Variants in NUBPL observed in about 807,000 individuals in gnomAD.
The protein encoded by NUBPL is iron-sulfur cluster transfer protein NUBPL.
In NUBPL, 31 loss-of-function variants were observed where a neutral mutation model predicts 45.7. The ratio of observed to expected loss-of-function variants is 0.68; its 90% CI spans 0.51 to 0.92. The LOEUF (loss-of-function observed/expected upper bound fraction) is 0.92. Ranked by LOEUF, NUBPL falls within the 40% of genes least tolerant of loss-of-function variation. The pLI, the probability that NUBPL is intolerant of heterozygous loss-of-function variation, is 0.00. For missense variants in NUBPL, 401 were observed against 398.7 expected, an observed-to-expected ratio of 1.01 and a Z score of -0.05; for synonymous variants, 144 against 140.9, an observed-to-expected ratio of 1.02 and a Z score of -0.15.
At chr14:31,692,855 T>C (rs1294609449) in intron 6 of NUBPL, among the ~76,000 whole-genome samples, 1 of 152,224 alleles carries the variant, frequency 6.6e-6, no homozygotes, top group Non-Finnish European at 1.5e-5. Flanking sequence ...AGGAGTTTGA[T>C]ACATAGTTTC....
intron 6 of NUBPL, among the ~76,000 whole-genome samples, chr14:31,689,405 A>G (rs8013556): frequency 1 from 151,982 of 152,322 alleles, 75,823 homozygotes; most frequent in Middle Eastern, 1. Flanking sequence ...TTTGATTTGC[A>G]TTTCCTTAAT....
intron 4 of NUBPL, among the ~76,000 whole-genome samples, chr14:31,644,771 T>A (rs2035798719): frequency 6.6e-6 from 1 of 152,188 alleles, no homozygotes; most frequent in Non-Finnish European, 1.5e-5. Context: ...TATTACCATA[T>A]TGCAGTCTGT....
chr14:31,718,946 G>T (rs1283271715), intron 6 of NUBPL, among the ~76,000 whole-genome samples: 1 of 152,166 alleles, frequency 6.6e-6, no homozygotes, highest in Non-Finnish European at 1.5e-5. Flanking sequence ...CTCAATTTAT[G>T]ATGAAGTTAT....
At chr14:31,698,778 C>T (rs757757347) in intron 6 of NUBPL, among the ~76,000 whole-genome samples, 6 of 151,754 alleles carry the variant, frequency 4.0e-5, no homozygotes, top group Non-Finnish European at 7.4e-5. Flanking sequence ...TCTGTGTTCA[C>T]TACTTATTTT....
At chr14:31,775,510 A>G (rs979619108) in intron 6 of NUBPL, among the ~76,000 whole-genome samples, 10 of 152,192 alleles carry the variant, frequency 6.6e-5, no homozygotes, top group Non-Finnish European at 1.2e-4. Flanking sequence ...ACTATGTACA[A>G]GAGACATCTA....
intron 7 of NUBPL, among the ~76,000 whole-genome samples, chr14:31,802,546 G>T (rs1165925183): frequency 6.6e-6 from 1 of 152,132 alleles, no homozygotes; most frequent in Non-Finnish European, 1.5e-5. Flanking sequence ...AAAGTGCTGG[G>T]ATTACAGGCG....
At chr14:31,821,996 T>C (rs1033928863) in intron 7 of NUBPL, among the ~76,000 whole-genome samples, 2 of 151,984 alleles carry the variant, frequency 1.3e-5, no homozygotes, top group Non-Finnish European at 2.9e-5. Flanking sequence ...CAATTGAACT[T>C]TTGGACAGAG....
At chr14:31,787,342 G>T (rs993940687) in intron 6 of NUBPL, among the ~76,000 whole-genome samples, 1 of 151,738 alleles carries the variant, frequency 6.6e-6, no homozygotes, top group African/African-American at 2.4e-5. Flanking sequence ...ATTAAGTTTT[G>T]GGTTTCATTA....
intron 3 of NUBPL, among the ~76,000 whole-genome samples, chr14:31,581,385 C>T (rs1198721775): frequency 6.6e-6 from 1 of 152,024 alleles, no homozygotes; most frequent in Non-Finnish European, 1.5e-5. Context: ...AATAATAATT[C>T]CCCGTTTTCT....
chr14:31,658,161 A>G (rs1465359527), intron 4 of NUBPL, among the ~76,000 whole-genome samples: 1 of 152,218 alleles, frequency 6.6e-6, no homozygotes, highest in African/African-American at 2.4e-5. Context: ...CTGTTTTCAT[A>G]TTAGCTAACC....
At chr14:31,687,553 G>A (rs1208624897) in intron 6 of NUBPL, among the ~76,000 whole-genome samples, 1 of 152,232 alleles carries the variant, frequency 6.6e-6, no homozygotes, top group African/African-American at 2.4e-5. Context: ...ATACTGCTGT[G>A]ATAATTTTGT....
At chr14:31,766,713 A>G (rs116030242) in intron 6 of NUBPL, among the ~76,000 whole-genome samples, 1,818 of 152,328 alleles carry the variant, frequency 0.012, 28 homozygotes, top group African/African-American at 0.034. Flanking sequence ...TGGTACCCCA[A>G]AAGCCAGTGA....
At chr14:31,742,370 A>G (rs566355789) in intron 6 of NUBPL, among the ~76,000 whole-genome samples, 101 of 152,112 alleles carry the variant, frequency 6.6e-4, no homozygotes, top group Middle Eastern at 3.4e-3. Context: ...AGTGACTTTC[A>G]AACTTGACTC....
intron 4 of NUBPL, among the ~76,000 whole-genome samples, chr14:31,630,244 A>G (rs773568129): frequency 6.6e-5 from 10 of 152,170 alleles, no homozygotes; most frequent in Non-Finnish European, 1.0e-4. Flanking sequence ...CCTGATTGTA[A>G]CCTGTACTAT....
At chr14:31,743,416 G>A (rs2038327613) in intron 6 of NUBPL, among the ~76,000 whole-genome samples, 1 of 152,052 alleles carries the variant, frequency 6.6e-6, no homozygotes, top group Non-Finnish European at 1.5e-5. Context: ...GTCTTGCTCT[G>A]TCGCCCATGC....
At chr14:31,858,970 T>A in intron 10 of NUBPL, 148 bp from the exon 11 acceptor site, 2 of 695,096 alleles carry the variant, frequency 2.9e-6, no homozygotes, top group Non-Finnish European at 5.2e-6. Context: ...CTGCAATATA[T>A]ACAGCACTAT....
At chr14:31,755,697 G>C (rs2038644857) in intron 6 of NUBPL, among the ~76,000 whole-genome samples, 2 of 152,066 alleles carry the variant, frequency 1.3e-5, no homozygotes, top group Non-Finnish European at 2.9e-5. Flanking sequence ...AAGCTCTTTA[G>C]TTTAATTAGA....
At chr14:31,670,423 G>A (rs148558486) in intron 4 of NUBPL, among the ~76,000 whole-genome samples, 4 of 152,248 alleles carry the variant, frequency 2.6e-5, no homozygotes, top group Non-Finnish European at 5.9e-5. Flanking sequence ...TTTATAGGTT[G>A]TCTGTTTACT....
chr14:31,602,981 A>G (rs1023031506), intron 4 of NUBPL, among the ~76,000 whole-genome samples: 2 of 152,160 alleles, frequency 1.3e-5, no homozygotes, highest in African/African-American at 2.4e-5. Flanking sequence ...AAATAAAGCT[A>G]TCAGAAGCTT....
Sources: gnomAD v4.1 joint callset for allele counts (sites outside exome capture counted in the v4.1 genomes callset) on GRCh38, gnomAD v4.1.1 for gene constraint, MANE v1.5 for transcripts, NCBI Gene and HGNC (gene_info 2026-07-23, HGNC 2026-07-21) for gene names.